Variants in PDE1A observed in about 807,000 individuals in gnomAD.
The protein encoded by PDE1A is phosphodiesterase 1A.
Under a neutral mutation model 61.7 loss-of-function variants are expected in PDE1A, and 35 were observed. That is an observed-to-expected ratio of 0.57 (90% CI 0.43 to 0.75). PDE1A has a LOEUF of 0.75. Among genes scored for constraint, PDE1A ranks in the 30% least tolerant of loss-of-function variants. The pLI, the probability that PDE1A is intolerant of heterozygous loss-of-function variation, is 0.00. For missense variants in PDE1A, 597 were observed against 630.6 expected, an observed-to-expected ratio of 0.95 and a Z score of 0.57; for synonymous variants, 232 against 213.2, an observed-to-expected ratio of 1.09 and a Z score of -0.77.
At chr2:182,715,565 G>C in the PDE1A span, among the ~76,000 whole-genome samples, 1 of 152,124 alleles carries the variant, frequency 6.6e-6, no homozygotes, top group African/African-American at 2.4e-5. Context: ...AGAAAATGTA[G>C]TAAATATAAC....
intron 1 of PDE1A, among the ~76,000 whole-genome samples, chr2:182,298,799 G>A (rs561222634): frequency 1.5e-4 from 23 of 152,018 alleles, no homozygotes; most frequent in Admixed American, 3.3e-4. Context: ...AGCAAAAACC[G>A]AGAGAATATG....
the PDE1A span, among the ~76,000 whole-genome samples, chr2:182,559,847 T>A: frequency 1.3e-5 from 2 of 152,134 alleles, no homozygotes; most frequent in Non-Finnish European, 2.9e-5. Flanking sequence ...ACAAGTATCA[T>A]CGAGCAAAAG....
the PDE1A span, among the ~76,000 whole-genome samples, chr2:182,692,559 A>G: frequency 6.6e-6 from 1 of 151,910 alleles, no homozygotes; most frequent in Non-Finnish European, 1.5e-5. Context: ...TAGGAGATAT[A>G]CCTAATGTAA....
the PDE1A span, among the ~76,000 whole-genome samples, chr2:182,531,426 C>A: frequency 6.7e-6 from 1 of 148,774 alleles, no homozygotes; most frequent in Non-Finnish European, 1.5e-5. Flanking sequence ...ACACTGGAGT[C>A]ATGATAGGAA....
At chr2:182,639,144 A>G in the PDE1A span, among the ~76,000 whole-genome samples, 1 of 152,240 alleles carries the variant, frequency 6.6e-6, no homozygotes, top group African/African-American at 2.4e-5. Flanking sequence ...GAATTTCAGA[A>G]CTTAATAAAG....
chr2:182,703,611 CT>C, the PDE1A span, among the ~76,000 whole-genome samples: 1 of 152,128 alleles, frequency 6.6e-6, no homozygotes, highest in Non-Finnish European at 1.5e-5. Context: ...TGAAAGGCAC[CT>C]TCTCCTCACA....
intron 7 of PDE1A, among the ~76,000 whole-genome samples, chr2:182,207,958 T>A (rs545820004): frequency 1.3e-5 from 2 of 152,182 alleles, no homozygotes; most frequent in Non-Finnish European, 2.9e-5. Flanking sequence ...ATTAGGCCTG[T>A]AGGTATGCAG....
chr2:182,548,095 T>C, the PDE1A span, among the ~76,000 whole-genome samples: 1 of 152,196 alleles, frequency 6.6e-6, no homozygotes, highest in South Asian at 2.1e-4. Context: ...GTTTGTGCTT[T>C]TTCCCAAGGA....
At chr2:182,201,523 G>A (rs375806421) in exon 10 of PDE1A, 41 of 1,613,864 alleles carry the variant, frequency 2.5e-5, no homozygotes, top group East Asian at 6.7e-5. Flanking sequence ...TGTCTGCTGC[G>A]TGGAGAATCA....
rs148230181 is a variant in PDE1A at position 182,416,450 on chromosome 2, A to C, written c.53+10128T>G. Among the ~76,000 whole-genome samples, 45 of 152,300 alleles carry C rather than the reference A, an allele frequency of 3.0e-4. No homozygotes were observed. The East Asian group carries it at 8.7e-3, about 29-fold the overall frequency. ...AATGTGACATCGTTCATCCTCTCCC[A>C]ATCTTTTCAAAATATTTCTTCTTCC... On this transcript the variant is annotated intron_variant, in intron 1 of 13. Transcript: ENST00000351439.
At chr2:182,581,337 C>T in the PDE1A span, among the ~76,000 whole-genome samples, 3 of 152,122 alleles carry the variant, frequency 2.0e-5, no homozygotes, top group East Asian at 5.8e-4. Flanking sequence ...AAACCTCAAA[C>T]GGCCTCATGG....
intron 7 of PDE1A, among the ~76,000 whole-genome samples, chr2:182,207,924 A>C (rs1687251122): frequency 6.6e-6 from 1 of 152,254 alleles, no homozygotes; most frequent in South Asian, 2.1e-4. Context: ...TGAAAGCCCC[A>C]AGCCTTGGTG....
chr2:182,489,919 G>T (rs1366629257), intron 2 of PDE1A, among the ~76,000 whole-genome samples: 2 of 152,154 alleles, frequency 1.3e-5, no homozygotes, highest in Admixed American at 1.3e-4. Flanking sequence ...TATCACACGG[G>T]GCAGTAGCAC....
At chr2:182,615,369 A>T in the PDE1A span, among the ~76,000 whole-genome samples, 1 of 152,174 alleles carries the variant, frequency 6.6e-6, no homozygotes, top group Admixed American at 6.5e-5. Context: ...AAAAGCAGTA[A>T]GAGATACAAA....
At chr2:182,332,602 C>A (rs1177378492) in intron 1 of PDE1A, among the ~76,000 whole-genome samples, 1 of 152,066 alleles carries the variant, frequency 6.6e-6, no homozygotes, top group Non-Finnish European at 1.5e-5. Context: ...TGTTCATTTT[C>A]CCGCTGCAGG....
chr2:182,399,856 T>C (rs914123300), intron 1 of PDE1A, among the ~76,000 whole-genome samples: 2 of 152,114 alleles, frequency 1.3e-5, no homozygotes, highest in Non-Finnish European at 2.9e-5. Context: ...TGTTTCTAAT[T>C]TAGGCAGTTA....
At chr2:182,450,597 T>C (rs1233949809) in intron 2 of PDE1A, among the ~76,000 whole-genome samples, 1 of 151,822 alleles carries the variant, frequency 6.6e-6, no homozygotes, top group African/African-American at 2.4e-5. Flanking sequence ...GAAAATTCCC[T>C]GCAGTTTGAT....
chr2:182,673,182 T>C, the PDE1A span, among the ~76,000 whole-genome samples: 18 of 152,352 alleles, frequency 1.2e-4, no homozygotes, highest in Admixed American at 9.1e-4. Flanking sequence ...TATCATTGCC[T>C]AAGCCACTAT....
chr2:182,638,354 C>T, the PDE1A span, among the ~76,000 whole-genome samples: 1 of 152,174 alleles, frequency 6.6e-6, no homozygotes, highest in East Asian at 1.9e-4. Context: ...GCCTGGCCAA[C>T]ATGGTGAACA....
Sources: gnomAD v4.1 joint callset for allele counts (sites outside exome capture counted in the v4.1 genomes callset) on GRCh38, gnomAD v4.1.1 for gene constraint, MANE v1.5 for transcripts, NCBI Gene and HGNC (gene_info 2026-07-23, HGNC 2026-07-21) for gene names.